Variants in BARHL2 observed in about 807,000 individuals in gnomAD.
BARHL2 encodes BarH like homeobox 2.
In BARHL2, 10 loss-of-function variants were observed where a neutral mutation model predicts 27.1. The ratio of observed to expected loss-of-function variants is 0.37; its 90% confidence interval spans 0.23 to 0.63. The LOEUF (loss-of-function observed/expected upper bound fraction) is 0.63. BARHL2 is among the 20% of genes least tolerant of loss of function. BARHL2 has a pLI of 0.65. For synonymous variants in BARHL2, 248 were observed against 224.7 expected (o/e 1.10, Z -0.93); for missense variants, 483 against 533.5 (o/e 0.91, Z 0.93).
chr1:90,717,254 A>T lies in BARHL2; in HGVS notation c.-59T>A. ...GCAGCCGCCCCGAACCAGCGAAGAA[A>T]GCTATCGATCGTAAAACAAAATAAA... On this transcript the variant is annotated 5_prime_UTR_variant, in exon 1 of 3. Coordinates refer to ENST00000370445, the MANE Select transcript of BARHL2 (RefSeq NM_020063.2). 1 of 1,566,748 alleles carries T rather than the reference A, an allele frequency of 6.4e-7. No individual in the cohort carries two copies. The highest frequency in any genetic ancestry group is 8.6e-7 in the Non-Finnish European group (1 of 1,166,732).
Position 90,712,362 on chromosome 1 carries a change from C to T in BARHL2, c.1114G>A (p.Ala372Thr), listed in dbSNP as rs1381158240. The change falls in exon 3 of 3, where the codon GCC (alanine) becomes ACC (threonine). Residue 372 changes from alanine (A) to threonine (T), a missense_variant. Ala to Thr is a moderately conservative substitution (Grantham distance 58, BLOSUM62 0). Coordinates refer to ENST00000370445, the MANE Select transcript of BARHL2 (RefSeq NM_020063.2). The part of the protein sequence containing the change: ...IHGLGPGGQP[A>T]LNPLSSPIPG... ...ATGGGGCTGGACAATGGATTAAGGGCTGGCTGTCCCCCAGGCCCTAGGCCG... is the reference window on the plus strand; with the variant it reads ...ATGGGGCTGGACAATGGATTAAGGGTTGGCTGTCCCCCAGGCCCTAGGCCG... 2 of 1,544,736 alleles carry T rather than the reference C, an allele frequency of 1.3e-6. No individual in the cohort carries two copies. Among genetic ancestry groups the T allele is most frequent in the South Asian group, 1.2e-5 (1 of 83,510 alleles).
chr1:90,716,494 C>G (rs1658146339), intron 1 of BARHL2, 77 bp downstream of exon 1: 10 of 1,480,750 alleles, frequency 6.8e-6, no homozygotes, highest in Admixed American at 5.0e-5. Flanking sequence ...CAGCAGAGAT[C>G]TGCTGAAGGC....
chr1:90,717,073 C>T lies in BARHL2; in HGVS notation c.123G>A (p.Ala41=). The change falls in exon 1 of 3, where the codon GCG becomes GCA. Residue 41 remains alanine, a synonymous_variant. Coordinates refer to ENST00000370445, the MANE Select transcript of BARHL2 (RefSeq NM_020063.2). ...ATGGGGTGGCCTGACTCCTAAAATC[C>T]GCGGTCCTGGCCTCACCGAGCGGGC... is the stretch of plus-strand genomic sequence containing the variant. ...DFRPLGEART[A]DFRSQATPSP... 5 of 1,613,938 alleles carry T rather than the reference C, an allele frequency of 3.1e-6. No homozygotes were observed. Among genetic ancestry groups the T allele is most frequent in the African/African-American group, 1.3e-5 (1 of 74,972 alleles).
rs1347672548 is a variant in BARHL2 at position 90,712,513 on chromosome 1, C to A, written c.963G>T (p.Leu321=). Residue 321 remains leucine (L), a synonymous_variant, in exon 3 of 3, where the codon CTG becomes CTT. Transcript: ENST00000370445. ...FPSPYFYHPS[L]LGSMDSTTAA... is the part of the protein sequence containing the mutation. ...CCGTAGTGCTGTCCATGCTGCCCAG[C>A]AGGCTTGGGTGATAGAAATAAGGCG... 1.2e-6 allele frequency: 2 copies of A among 1,614,076 alleles called. No individual in the cohort carries two copies. Among genetic ancestry groups the A allele is most frequent in the Admixed American group, 1.7e-5 (1 of 60,030 alleles).
chr1:90,716,493 T>C, intron 1 of BARHL2, 78 bp downstream of exon 1: 2 of 1,470,580 alleles, frequency 1.4e-6, no homozygotes, highest in Non-Finnish European at 1.9e-6. Flanking sequence ...CCAGCAGAGA[T>C]CTGCTGAAGG....
Position 90,716,986 on chromosome 1 carries a change from C to T in BARHL2, c.210G>A (p.Met70Ile). The stretch of plus-strand genomic sequence containing the variant: ...CTACCAGATGCGGCTCCGGGGGCTC[C>T]ATGGTGACTGAGATAGGAGAAGAAG... ...TAPSSPISVTMEPPEPHLVAD... is the reference protein window; with the variant it reads ...TAPSSPISVTIEPPEPHLVAD... Residue 70 changes from methionine (M) to isoleucine (I), a missense_variant, in exon 1 of 3, where the codon ATG becomes ATA. Met to Ile is a conservative substitution (Grantham distance 10). Transcript: ENST00000370445. 1 of 1,613,686 alleles carries T rather than the reference C, an allele frequency of 6.2e-7. No homozygotes were observed. Among genetic ancestry groups the T allele is most frequent in the Non-Finnish European group, 8.5e-7 (1 of 1,179,862 alleles).
Position 90,712,159 on chromosome 1 carries a change from GC to G in BARHL2, c.*152del. On this transcript the variant is annotated 3_prime_UTR_variant, in exon 3 of 3. Coordinates refer to ENST00000370445, the MANE Select transcript of BARHL2 (RefSeq NM_020063.2). ...GCTGGCTCCTCTTTGGGGGTCCCCT[GC>G]CCACTGGTAAGCATCTTCCTCTCTT... 1 of 810,398 alleles carries G rather than the reference GC, an allele frequency of 1.2e-6. No homozygotes were observed. The highest frequency in any genetic ancestry group is 1.8e-6 in the Non-Finnish European group (1 of 567,574). 50.2% of individuals were successfully genotyped at this position (810,398 alleles called of 1,614,324 possible).
chr1:90,714,777 CG>C, intron 1 of BARHL2, 21 bp from the exon 2 acceptor site: 1 of 1,612,008 alleles, frequency 6.2e-7, no homozygotes, highest in Non-Finnish European at 8.5e-7. Context: ...AACCCAGCCA[CG>C]GTGGTAAGTT....
chr1:90,716,548 G>A (rs759469896), intron 1 of BARHL2, 23 bp downstream of exon 1: 2 of 1,610,892 alleles, frequency 1.2e-6, no homozygotes, highest in African/African-American at 2.7e-5. Flanking sequence ...AGACGGCCGA[G>A]AGCGCCGGGT....
In BARHL2 at chr1:90,714,579, G is replaced by A. The variant is rs779191174; in HGVS notation, c.803C>T (p.Ala268Val). 18 of 1,614,074 alleles carry A rather than the reference G, an allele frequency of 1.1e-5. No individual in the cohort carries two copies. The highest frequency in any genetic ancestry group is 8.9e-5 in the East Asian group (4 of 44,894). The change falls in exon 2 of 3, where the codon GCG (alanine) becomes GTG (valine). Residue 268 changes from alanine (A) to valine (V), a missense_variant. Ala to Val is a moderately conservative substitution (Grantham distance 64, BLOSUM62 0). This residue lies in a region of BARHL2 where 49 missense variants were observed against 110.6 expected (regional missense o/e 0.44). Transcript: ENST00000370445. ...GACTTGGGTGTCAGTGAGGTTGAGC[G>A]CTGCAGCCAGGTCCATGCGATCCTG... ...SVQDRMDLAA[A>V]LNLTDTQVKT...
chr1:90,717,290 T>C lies in BARHL2; in HGVS notation c.-95A>G, dbSNP rs77010101. On this transcript the variant is annotated 5_prime_UTR_variant, in exon 1 of 3. Coordinates refer to ENST00000370445, the MANE Select transcript of BARHL2 (RefSeq NM_020063.2). ...GTAAAACAAAATAAACACCAAACAA[T>C]GTTGCCGCCGCTTAAAAAAAAAAAA... The C allele has an allele frequency of 2.8e-4, 426 of 1,498,070 alleles. 2 individuals are homozygous for C. The East Asian group carries it at 9.8e-3, about 35-fold the overall frequency. 92.8% of individuals were successfully genotyped at this position (1,498,070 alleles called of 1,614,324 possible).
In BARHL2 at chr1:90,717,135, T is replaced by C; in HGVS notation, c.61A>G (p.Ser21Gly). The change falls in exon 1 of 3, where the codon AGT (serine) becomes GGT (glycine). Residue 21 changes from serine (S) to glycine (G), a missense_variant. This residue lies in a region of BARHL2 where 304 missense variants were observed against 284.9 expected (regional missense o/e 1.07). Coordinates refer to ENST00000370445, the MANE Select transcript of BARHL2 (RefSeq NM_020063.2). ...FGIDTILSSASSGSPGMMNGD... is the reference protein window; with the variant it reads ...FGIDTILSSAGSGSPGMMNGD... ...TTCATCATGCCTGGGCTGCCTGAAC[T>C]GGCACTGGACAAAATCGTGTCTATT... is the stretch of plus-strand genomic sequence containing the variant. 6.2e-7 allele frequency: 1 copy of C among 1,613,864 alleles called. No homozygotes were observed. The highest frequency in any genetic ancestry group is 8.5e-7 in the Non-Finnish European group (1 of 1,179,952).
At chr1:90,712,652 C>A in intron 2 of BARHL2, 28 bp from the exon 3 acceptor site, 1 of 1,570,610 alleles carries the variant, frequency 6.4e-7, no homozygotes, top group South Asian at 1.2e-5. Context: ...TGCAGGCACC[C>A]AGCAGCTGTG....
At chr1:90,715,262 T>C (rs1056434664) in intron 1 of BARHL2, among the ~76,000 whole-genome samples, 3 of 151,880 alleles carry the variant, frequency 2.0e-5, no homozygotes, top group Non-Finnish European at 4.4e-5. Flanking sequence ...GTTTTACTTT[T>C]TCAGATGCAC....
At chr1:90,714,094 G>A (rs955156251) in intron 2 of BARHL2, among the ~76,000 whole-genome samples, 7 of 152,224 alleles carry the variant, frequency 4.6e-5, no homozygotes, top group Non-Finnish European at 1.0e-4. Context: ...ACAGCTCTGT[G>A]GGAATAGCAA....
At chr1:90,712,975 CA>C (rs1658067888) in intron 2 of BARHL2, among the ~76,000 whole-genome samples, 1 of 152,172 alleles carries the variant, frequency 6.6e-6, no homozygotes, top group Non-Finnish European at 1.5e-5. Flanking sequence ...GAGACTTCCA[CA>C]AGCAGTCACT....
rs1473318762 is a variant in BARHL2 at position 90,714,762 on chromosome 1, A to G, written c.626-6T>C. 1 of 1,613,710 alleles carries G rather than the reference A, an allele frequency of 6.2e-7. No individual in the cohort carries two copies. Among genetic ancestry groups the G allele is most frequent in the Non-Finnish European group, 8.5e-7 (1 of 1,179,774 alleles). The stretch of plus-strand genomic sequence containing the variant: ...GTCTCCTTCCTCCTTTGTCCCTACC[A>G]TAGAAACCCAGCCACGGTGGTAAGT... On this transcript the variant is annotated splice_region_variant and splice_polypyrimidine_tract_variant and intron_variant, in intron 1 of 2. Transcript: ENST00000370445.
At chr1:90,715,170 CTTTTTTTTT>C (rs35625130) in intron 1 of BARHL2, among the ~76,000 whole-genome samples, 1 of 66,320 alleles carries the variant, frequency 1.5e-5, no homozygotes, top group South Asian at 7.1e-4. Flanking sequence ...TCCCTCTACT[CTTTTTTTTT>C]TTTTTTTTTT....
In BARHL2 at chr1:90,716,831, G is replaced by A. The variant is rs1421543896; in HGVS notation, c.365C>T (p.Pro122Leu). 4.5e-6 allele frequency: 7 copies of A among 1,553,436 alleles called. No individual in the cohort carries two copies. In the South Asian group the frequency reaches 5.9e-5, roughly 13 times the overall value. The change falls in exon 1 of 3, where the codon CCG (proline) becomes CTG (leucine). Residue 122 changes from proline (P) to leucine (L), a missense_variant. Pro to Leu is a moderately conservative substitution (Grantham distance 98). Coordinates refer to ENST00000370445, the MANE Select transcript of BARHL2 (RefSeq NM_020063.2). ...QQPLPPQQPPPPPPQQLGSAA... is the reference protein window; with the variant it reads ...QQPLPPQQPPLPPPQQLGSAA... Reference sequence around the variant, plus strand: ...CGAGCCCAGCTGCTGGGGGGGCGGCGGCGGCGGCTGCTGTGGCGGCAGCGG... The same window carrying A: ...CGAGCCCAGCTGCTGGGGGGGCGGCAGCGGCGGCTGCTGTGGCGGCAGCGG...
Sources: gnomAD v4.1 joint callset for allele counts (sites outside exome capture counted in the v4.1 genomes callset) on GRCh38, gnomAD v4.1.1 for gene constraint, gnomAD v4.1.1 regional missense constraint, MANE v1.5 for transcripts, NCBI Gene and HGNC (gene_info 2026-07-23, HGNC 2026-07-21) for gene names.